The following ABCA3 variants were observed in gnomAD, a reference collection of about 807,000 sequenced individuals.
ABCA3 encodes the protein phospholipid-transporting ATPase ABCA3.
ABCA3 carries 88 observed loss-of-function variants against 172.8 expected under a neutral mutation model. The observed-to-expected ratio is 0.51, with a 90% confidence interval of 0.43 to 0.61. The LOEUF (loss-of-function observed/expected upper bound fraction) is 0.61, where lower values mean the gene tolerates loss of function less well. Among genes scored for constraint, ABCA3 ranks in the 20% least tolerant of loss-of-function variants. ABCA3 has a pLI of 0.00. For synonymous variants in ABCA3, 1,066 were observed against 983.8 expected (o/e 1.08, Z -1.56); for missense variants, 2,164 against 2,301.0 (o/e 0.94, Z 1.22).
intron 2 of ABCA3, 117 bp from the exon 3 acceptor site, chr16:2,328,874 G>T (rs2093738759): frequency 1.3e-5 from 2 of 155,540 alleles, no homozygotes; most frequent in African/African-American, 4.8e-5. Context: ...CAATGACCCG[G>T]GAGACTCCAG....
chr16:2,297,704 C>T lies in ABCA3; in HGVS notation c.2052+62G>A, dbSNP rs111555034. 100 of 1,601,690 alleles carry T rather than the reference C, an allele frequency of 6.2e-5. 1 individual carries two copies. Among genetic ancestry groups the T allele is most frequent in the Middle Eastern group, 4.4e-4 (2 of 4,508 alleles). On this transcript the variant is annotated intron_variant, in intron 16 of 32. Transcript: ENST00000301732. This position sits in a 1 kb window ranked among gnomAD's most constrained non-coding sequence, Gnocchi z 5.6. ...AAGGGCCAAGGTGCCCGGGCCATGGCGGAAGGGCCATCCCAGGTCGAGCAG... is the reference window on the plus strand; with the variant it reads ...AAGGGCCAAGGTGCCCGGGCCATGGTGGAAGGGCCATCCCAGGTCGAGCAG...
At chr16:2,315,881 C>T (rs2093714654) in intron 10 of ABCA3, among the ~76,000 whole-genome samples, 1 of 129,314 alleles carries the variant, frequency 7.7e-6, no homozygotes, top group Admixed American at 9.4e-5. Context: ...CAGGGTCTTG[C>T]CATGTTGCCT....
At chr16:2,304,795 C>T (rs1398860851) in intron 11 of ABCA3, among the ~76,000 whole-genome samples, 2 of 151,908 alleles carry the variant, frequency 1.3e-5, no homozygotes, top group East Asian at 3.9e-4. Flanking sequence ...CCTGCCTCAG[C>T]CTCCTGAGTA....
At chr16:2,317,537 G>A (rs1425885826) in intron 9 of ABCA3, 111 bp downstream of exon 9, 2 of 1,581,216 alleles carry the variant, frequency 1.3e-6, no homozygotes, top group Non-Finnish European at 1.7e-6. Flanking sequence ...TCCCCCATGA[G>A]GGACAGACTC....
At chr16:2,339,910 G>A (rs909187473) in intron 1 of ABCA3, among the ~76,000 whole-genome samples, 4 of 152,270 alleles carry the variant, frequency 2.6e-5, no homozygotes, top group Non-Finnish European at 5.9e-5. Flanking sequence ...CAGGCGTCCT[G>A]ACCGAGGGCG....
At chr16:2,304,602 G>A (rs1000592945) in intron 11 of ABCA3, among the ~76,000 whole-genome samples, 5 of 148,328 alleles carry the variant, frequency 3.4e-5, no homozygotes, top group Admixed American at 1.4e-4. Flanking sequence ...TGCCTCCCAG[G>A]TTCAAGCAAT....
At chr16:2,312,912 T>C (rs1364895564) in intron 10 of ABCA3, among the ~76,000 whole-genome samples, 2 of 151,834 alleles carry the variant, frequency 1.3e-5, no homozygotes, top group Admixed American at 1.3e-4. Context: ...TAGCTGGGCA[T>C]GGTGTTGTAC....
chr16:2,298,317 G>A lies in ABCA3; in HGVS notation c.1896+69C>T, dbSNP rs534738994. The A allele has an allele frequency of 1.7e-5, 28 of 1,605,286 alleles. No homozygotes were observed. In the African/African-American group the frequency reaches 2.0e-4, roughly 11 times the overall value. On this transcript the variant is annotated intron_variant, in intron 15 of 32. Coordinates refer to ENST00000301732, the MANE Select transcript of ABCA3 (RefSeq NM_001089.3). ...CTCCCTTCCTCCAGTTTAGCTCCTC[G>A]GAAGACTGCCCCAGAAACTCGAGCA...
chr16:2,331,984 T>C (rs2093743971), intron 1 of ABCA3, among the ~76,000 whole-genome samples: 1 of 152,200 alleles, frequency 6.6e-6, no homozygotes, highest in African/African-American at 2.4e-5. Flanking sequence ...ATATTAAACA[T>C]CACACATATC....
At chr16:2,320,726 G>C (rs538130433) in intron 7 of ABCA3, among the ~76,000 whole-genome samples, 1 of 152,168 alleles carries the variant, frequency 6.6e-6, no homozygotes, top group South Asian at 2.1e-4. Flanking sequence ...AGGCATATTA[G>C]TGGGTCTAAG....
intron 1 of ABCA3, chr16:2,332,646 C>T (rs1596871315): frequency 6.2e-7 from 1 of 1,602,944 alleles, no homozygotes. Context: ...CCAGGGGCCG[C>T]CCGTTCACCT....
chr16:2,292,314 C>A (rs1037476904), intron 18 of ABCA3, 76 bp from the exon 19 acceptor site: 5 of 1,332,856 alleles, frequency 3.8e-6, no homozygotes, highest in Admixed American at 3.6e-5. Flanking sequence ...CATCACCCCC[C>A]CTCGGCCAGG....
chr16:2,278,398 G>T lies in ABCA3; in HGVS notation c.4608C>A (p.Ile1536=), dbSNP rs978539788. Residue 1536 remains isoleucine, a synonymous_variant, in exon 30 of 33, where the codon ATC becomes ATA. Coordinates refer to ENST00000301732, the MANE Select transcript of ABCA3 (RefSeq NM_001089.3). The surrounding 1 kb of genome is among the most constrained non-coding windows in gnomAD (Gnocchi z 4.4). ...TGCCAGTGGACGGCTCGTCCAGGAA[G>T]ATGACAGCAGGCTCTCCGATCAGGG... is the stretch of plus-strand genomic sequence containing the variant. The part of the protein sequence containing the change: ...GIALIGEPAV[I]FLDEPSTGMD... 1 of 1,612,910 alleles carries T rather than the reference G, an allele frequency of 6.2e-7. No homozygotes were observed. The highest frequency in any genetic ancestry group is 8.5e-7 in the Non-Finnish European group (1 of 1,180,020).
chr16:2,280,181 A>G (rs1227695350), intron 28 of ABCA3, among the ~76,000 whole-genome samples: 1 of 152,138 alleles, frequency 6.6e-6, no homozygotes, highest in Non-Finnish European at 1.5e-5. Flanking sequence ...CCTCTCCTCC[A>G]TTGCTAGATC....
intron 12 of ABCA3, among the ~76,000 whole-genome samples, chr16:2,301,422 C>A (rs1224255791): frequency 6.6e-6 from 1 of 151,994 alleles, no homozygotes; most frequent in African/African-American, 2.4e-5. Flanking sequence ...CAGAAATGGC[C>A]TCGGCTGGAG....
At chr16:2,324,370 G>T in intron 6 of ABCA3, 34 bp downstream of exon 6, 1 of 1,564,104 alleles carries the variant, frequency 6.4e-7, no homozygotes, top group African/African-American at 1.3e-5. Context: ...CTTGCTGATG[G>T]GCTGTGACTG....
chr16:2,294,269 G>T (rs376019178), intron 18 of ABCA3, among the ~76,000 whole-genome samples: 1 of 151,298 alleles, frequency 6.6e-6, no homozygotes, highest in South Asian at 2.1e-4. Flanking sequence ...CTCATGGTCC[G>T]CCCGCCTTGG....
At chr16:2,313,193 T>C (rs1373502159) in intron 10 of ABCA3, among the ~76,000 whole-genome samples, 2 of 152,170 alleles carry the variant, frequency 1.3e-5, no homozygotes, top group East Asian at 3.9e-4. Context: ...TTGCTCATCA[T>C]TGTTTTTGCA....
In ABCA3 at chr16:2,336,586, A is replaced by G. The variant is rs1008334418; in HGVS notation, c.-539+3987T>C. Among the ~76,000 whole-genome samples the G allele has an allele frequency of 5.6e-5, 8 of 143,818 alleles. No individual in the cohort carries two copies. The South Asian group carries it at 1.8e-3, about 32-fold the overall frequency. 94.4% of individuals were successfully genotyped at this position (143,818 alleles called of 152,430 possible). On this transcript the variant is annotated intron_variant, in intron 1 of 32. Transcript: ENST00000301732. The stretch of plus-strand genomic sequence containing the variant: ...GCTGGAATTACAGGTGCCCGCCACC[A>G]CGCCCAGCTAATTTTTTTTTTTTTT...
Sources: gnomAD v4.1 joint callset for allele counts (sites outside exome capture counted in the v4.1 genomes callset) on GRCh38, gnomAD v4.1.1 for gene constraint, Gnocchi (gnomAD v3.1) non-coding constraint, MANE v1.5 for transcripts, NCBI Gene and HGNC (gene_info 2026-07-23, HGNC 2026-07-21) for gene names.